Variants in NR6A1 observed in about 807,000 individuals in gnomAD.
NR6A1 encodes the protein retinoic acid receptor-related testis-associated receptor.
Under a neutral mutation model 59.1 loss-of-function variants are expected in NR6A1, and 7 were observed. The observed-to-expected ratio is 0.12, with a 90% CI of 0.07 to 0.22. The LOEUF (loss-of-function observed/expected upper bound fraction) is 0.22, where lower values mean the gene tolerates loss of function less well. NR6A1 is among the 10% of genes least tolerant of loss of function. The probability of loss-of-function intolerance (pLI) is 1.00; values close to 1 mark genes in which losing one functional copy is unlikely to be tolerated. For synonymous variants in NR6A1, 243 were observed against 236.1 expected, an observed-to-expected ratio of 1.03 and a Z score of -0.27; for missense variants, 468 against 611.6, an observed-to-expected ratio of 0.77 and a Z score of 2.48.
intron 2 of NR6A1, among the ~76,000 whole-genome samples, chr9:124,656,147 T>G (rs1837252554): frequency 6.6e-6 from 1 of 152,098 alleles, no homozygotes; most frequent in African/African-American, 2.4e-5. Context: ...CACCTCCTTC[T>G]TCTCTCTCTT....
At chr9:124,680,279 T>C (rs1007731354) in intron 2 of NR6A1, among the ~76,000 whole-genome samples, 1 of 152,162 alleles carries the variant, frequency 6.6e-6, no homozygotes, top group Non-Finnish European at 1.5e-5. Flanking sequence ...ACTGCTCATT[T>C]TCCCAAAACC....
intron 2 of NR6A1, among the ~76,000 whole-genome samples, chr9:124,728,076 G>C (rs894301855): frequency 2.6e-5 from 4 of 151,382 alleles, no homozygotes; most frequent in African/African-American, 7.3e-5. Flanking sequence ...ACCCAGGCTG[G>C]AGTGCAGTGG....
At chr9:124,717,722 A>C (rs1839445111) in intron 2 of NR6A1, among the ~76,000 whole-genome samples, 1 of 152,146 alleles carries the variant, frequency 6.6e-6, no homozygotes, top group Non-Finnish European at 1.5e-5. Context: ...GTCACGCCTC[A>C]ATTTTAAAAA....
intron 2 of NR6A1, among the ~76,000 whole-genome samples, chr9:124,705,788 T>C (rs1839113099): frequency 1.3e-5 from 2 of 152,076 alleles, no homozygotes; most frequent in Non-Finnish European, 2.9e-5. Flanking sequence ...CCCCCTTTTT[T>C]TTTTTTTGAC....
At chr9:124,632,122 T>C (rs1409579493) in intron 2 of NR6A1, among the ~76,000 whole-genome samples, 2 of 152,244 alleles carry the variant, frequency 1.3e-5, no homozygotes, top group Non-Finnish European at 2.9e-5. Context: ...AGCGCTGTAA[T>C]GAATGTACAT....
At chr9:124,560,064 C>T (rs762037001) in intron 2 of NR6A1, among the ~76,000 whole-genome samples, 35 of 152,324 alleles carry the variant, frequency 2.3e-4, no homozygotes, top group Admixed American at 1.3e-3. Flanking sequence ...ATCTTGGTTA[C>T]ACAACCAATC....
intron 2 of NR6A1, among the ~76,000 whole-genome samples, chr9:124,727,257 A>C (rs886593046): frequency 2.6e-5 from 4 of 152,232 alleles, no homozygotes. Context: ...AAAAACCCAA[A>C]AAGTTTTACA....
At chr9:124,638,101 A>G (rs1836667471) in intron 2 of NR6A1, among the ~76,000 whole-genome samples, 1 of 151,704 alleles carries the variant, frequency 6.6e-6, no homozygotes, top group African/African-American at 2.4e-5. Context: ...TTAAAATTTA[A>G]AAATTAGCTG....
At chr9:124,711,283 G>C (rs1342410022) in intron 2 of NR6A1, among the ~76,000 whole-genome samples, 3 of 149,444 alleles carry the variant, frequency 2.0e-5, no homozygotes, top group Non-Finnish European at 2.9e-5. Context: ...ACACCCTAGT[G>C]GTCTTCCCCA....
At chr9:124,582,757 G>A (rs943111795) in intron 2 of NR6A1, among the ~76,000 whole-genome samples, 18 of 152,146 alleles carry the variant, frequency 1.2e-4, no homozygotes, top group Admixed American at 2.6e-4. Flanking sequence ...GCATGGTGGT[G>A]TGTGCCTGTA....
At chr9:124,639,001 T>G (rs1433508821) in intron 2 of NR6A1, among the ~76,000 whole-genome samples, 1 of 152,216 alleles carries the variant, frequency 6.6e-6, no homozygotes, top group Admixed American at 6.5e-5. Context: ...ATAACACAGG[T>G]AAGCAGAAAG....
At chr9:124,622,475 T>C (rs932409888) in intron 2 of NR6A1, among the ~76,000 whole-genome samples, 19 of 152,324 alleles carry the variant, frequency 1.2e-4, no homozygotes, top group African/African-American at 4.1e-4. Context: ...AGCTGTTAAT[T>C]GAAACACTGT....
At chr9:124,645,271 A>G (rs1162620712) in intron 2 of NR6A1, among the ~76,000 whole-genome samples, 2 of 152,236 alleles carry the variant, frequency 1.3e-5, no homozygotes, top group South Asian at 2.1e-4. Flanking sequence ...AACAATAAAT[A>G]TATAGCAGGT....
chr9:124,732,607 GCTT>G (rs1044309662), intron 2 of NR6A1, among the ~76,000 whole-genome samples: 4 of 151,958 alleles, frequency 2.6e-5, no homozygotes, highest in African/African-American at 7.3e-5. Flanking sequence ...TAAGCAAAAT[GCTT>G]CTTTTAAAGA....
At chr9:124,543,393 G>T (rs1002154169) in intron 4 of NR6A1, among the ~76,000 whole-genome samples, 4 of 152,170 alleles carry the variant, frequency 2.6e-5, no homozygotes, top group African/African-American at 9.7e-5. Context: ...TTGAATGGGG[G>T]TATTATCATT....
intron 3 of NR6A1, among the ~76,000 whole-genome samples, chr9:124,548,601 C>T (rs1833677186): frequency 6.6e-6 from 1 of 152,078 alleles, no homozygotes; most frequent in South Asian, 2.1e-4. Flanking sequence ...AAATGTTATC[C>T]CTCCTTGAGA....
At chr9:124,663,344 C>T (rs1388366422) in intron 2 of NR6A1, among the ~76,000 whole-genome samples, 1 of 152,152 alleles carries the variant, frequency 6.6e-6, no homozygotes, top group Non-Finnish European at 1.5e-5. Context: ...TTCTTAAATT[C>T]GGATGCCATT....
Position 124,522,642 on chromosome 9 carries a change from T to A in NR6A1, c.*63A>T, listed in dbSNP as rs1832825582. The A allele has an allele frequency of 7.3e-7, 1 of 1,379,050 alleles. No homozygotes were observed. The allele number at this position is 1,379,050 out of a possible 1,614,324, so 85.4% of individuals were successfully genotyped here. A position where few individuals can be genotyped will look rare whatever the true frequency, so the allele number is the denominator to read the frequency against. ...CATCTTGGTCTCTCTGGCTTTTCCCTCCAGAGCCTGTCCTGCCCACCCAAG... is the reference window on the plus strand; with the variant it reads ...CATCTTGGTCTCTCTGGCTTTTCCCACCAGAGCCTGTCCTGCCCACCCAAG... On this transcript the variant is annotated 3_prime_UTR_variant, in exon 10 of 10. Coordinates refer to ENST00000487099, the MANE Select transcript of NR6A1 (RefSeq NM_033334.4).
chr9:124,680,550 A>C (rs1838117810), intron 2 of NR6A1, among the ~76,000 whole-genome samples: 1 of 152,236 alleles, frequency 6.6e-6, no homozygotes, highest in Non-Finnish European at 1.5e-5. Context: ...AAGCATTGAT[A>C]GATCAACCTT....
Sources: allele counts gnomAD v4.1 joint callset (sites outside exome capture counted in the v4.1 genomes callset), GRCh38; gene constraint gnomAD v4.1.1; transcripts MANE v1.5; gene names NCBI Gene and HGNC (gene_info 2026-07-23, HGNC 2026-07-21).